Variants in YAP1 observed in about 807,000 individuals in gnomAD.
The protein encoded by YAP1 is Yes1 associated transcriptional regulator.
In YAP1, 5 loss-of-function variants were observed where a neutral mutation model predicts 56.9. The ratio of observed to expected loss-of-function variants is 0.09; its 90% confidence interval spans 0.05 to 0.18. The LOEUF is 0.18. Ranked by LOEUF, YAP1 falls within the 10% of genes least tolerant of loss-of-function variation. The pLI is 1.00. For missense variants in YAP1, 539 were observed against 651.8 expected, an observed-to-expected ratio of 0.83 and a Z score of 1.88; for synonymous variants, 265 against 248.1, an observed-to-expected ratio of 1.07 and a Z score of -0.64.
At chr11:102,139,532 C>T (rs942113806) in intron 2 of YAP1, among the ~76,000 whole-genome samples, 2 of 152,080 alleles carry the variant, frequency 1.3e-5, no homozygotes, top group Non-Finnish European at 2.9e-5. Context: ...ATTCTAAACC[C>T]GCTTTGTTAA....
chr11:102,222,890 C>CG (rs960443452), intron 6 of YAP1, among the ~76,000 whole-genome samples: 1 of 147,630 alleles, frequency 6.8e-6, no homozygotes, highest in African/African-American at 2.5e-5. Flanking sequence ...GGGAGGGGGT[C>CG]GGGGGGTTCC....
chr11:102,177,874 G>A (rs1022401261), intron 3 of YAP1, among the ~76,000 whole-genome samples: 4 of 152,016 alleles, frequency 2.6e-5, no homozygotes, highest in Non-Finnish European at 5.9e-5. Flanking sequence ...CAAGCCATGG[G>A]ATTTCATGAA....
intron 6 of YAP1, among the ~76,000 whole-genome samples, chr11:102,219,272 TA>T (rs1457932435): frequency 1.3e-5 from 2 of 152,226 alleles, no homozygotes; most frequent in Non-Finnish European, 2.9e-5. Flanking sequence ...CAAGGAATTT[TA>T]AGTTGTTTTA....
chr11:102,142,527 G>A (rs1241942828), intron 2 of YAP1, among the ~76,000 whole-genome samples: 2 of 152,356 alleles, frequency 1.3e-5, no homozygotes, highest in East Asian at 3.9e-4. Flanking sequence ...GCCGTCTTCA[G>A]CCTTCTGAGG....
chr11:102,204,925 C>A (rs1949045063), intron 4 of YAP1, among the ~76,000 whole-genome samples: 1 of 152,054 alleles, frequency 6.6e-6, no homozygotes, highest in Non-Finnish European at 1.5e-5. Context: ...TTTCTTTAGT[C>A]AATGTGTACT....
chr11:102,169,680 A>G (rs1463415045), intron 3 of YAP1, among the ~76,000 whole-genome samples: 2 of 152,170 alleles, frequency 1.3e-5, no homozygotes, highest in Non-Finnish European at 2.9e-5. Flanking sequence ...TTTCCCATCT[A>G]GAAGTTCAGG....
intron 7 of YAP1, among the ~76,000 whole-genome samples, chr11:102,224,755 A>C (rs1950112326): frequency 6.6e-6 from 1 of 152,202 alleles, no homozygotes; most frequent in Non-Finnish European, 1.5e-5. Flanking sequence ...GTTTGTATTT[A>C]CTCTTCTGAC....
intron 2 of YAP1, among the ~76,000 whole-genome samples, chr11:102,137,639 C>T (rs1944756602): frequency 6.6e-6 from 1 of 152,100 alleles, no homozygotes; most frequent in Non-Finnish European, 1.5e-5. Flanking sequence ...ACAGTAAAGC[C>T]AAGTTAAATC....
Position 102,120,424 on chromosome 11 carries a change from A to G in YAP1, c.572+6030A>G, listed in dbSNP as rs114466314. On this transcript the variant is annotated intron_variant, in intron 2 of 8. Transcript: ENST00000282441. ...GTTGTTTCTTTGAATGATGTTGCAA[A>G]TTAATAAAATAGTGCAAATGGCAGT... 3.3e-3 allele frequency among the ~76,000 whole-genome samples: 508 copies of G among 152,350 alleles called. 2 individuals carry two copies. Among genetic ancestry groups the G allele is most frequent in the African/African-American group, 0.012 (490 of 41,578 alleles).
At chr11:102,211,341 G>A (rs111600138) in intron 6 of YAP1, among the ~76,000 whole-genome samples, 117 of 152,160 alleles carry the variant, frequency 7.7e-4, no homozygotes, top group Non-Finnish European at 1.4e-3. Flanking sequence ...TTTAGAAAAG[G>A]TGAGGCTTAT....
At chr11:102,183,088 T>G (rs748909139) in intron 3 of YAP1, among the ~76,000 whole-genome samples, 25 of 152,214 alleles carry the variant, frequency 1.6e-4, no homozygotes, top group Non-Finnish European at 2.8e-4. Flanking sequence ...ATCAAGTAAT[T>G]ACAATTCTAC....
rs1458054544 is a variant in YAP1, at chr11:102,114,129, A to C, written c.322-15A>C. 8 of 1,560,706 alleles carry C rather than the reference A, an allele frequency of 5.1e-6. No individual in the cohort carries two copies. In the African/African-American group the frequency reaches 9.5e-5, roughly 19 times the overall value. On this transcript the variant is annotated splice_polypyrimidine_tract_variant and intron_variant, in intron 1 of 8. Coordinates refer to ENST00000282441, the MANE Select transcript of YAP1 (RefSeq NM_001130145.3). Reference sequence around the variant, plus strand: ...TTTTTCTTTTTTAATTTTTCATCTTAATATTCCCTAATAGGCCAGTACTGA... The same window carrying C: ...TTTTTCTTTTTTAATTTTTCATCTTCATATTCCCTAATAGGCCAGTACTGA...
At chr11:102,182,420 A>T (rs1411745007) in intron 3 of YAP1, among the ~76,000 whole-genome samples, 1 of 152,178 alleles carries the variant, frequency 6.6e-6, no homozygotes, top group East Asian at 1.9e-4. Flanking sequence ...TAGCCCAAAC[A>T]GATGATTGAA....
At chr11:102,212,562 TTTTTA>T (rs1949454819) in intron 6 of YAP1, among the ~76,000 whole-genome samples, 5 of 55,056 alleles carry the variant, frequency 9.1e-5, no homozygotes, top group African/African-American at 6.1e-4. Flanking sequence ...AGAGCTTAAC[TTTTTA>T]TTTTTATTTT....
In YAP1 at chr11:102,110,765, C is replaced by A. The variant is rs1054513691; in HGVS notation, c.-84C>A. ...CGGCCCGCAGCCGTCGCCGCTTCTC[C>A]ACCTCGGCCCGTGGAGCCGGGGCGT... On this transcript the variant is annotated 5_prime_UTR_variant, in exon 1 of 9. Transcript: ENST00000282441. 3 of 1,196,972 alleles carry A rather than the reference C, an allele frequency of 2.5e-6. No homozygotes were observed. The highest frequency in any genetic ancestry group is 3.1e-6 in the Non-Finnish European group (3 of 957,154). The allele number at this position is 1,196,972 out of a possible 1,614,324, so 74.1% of individuals were successfully genotyped here.
At chr11:102,212,107 A>G (rs1356305254) in intron 6 of YAP1, among the ~76,000 whole-genome samples, 1 of 152,242 alleles carries the variant, frequency 6.6e-6, no homozygotes, top group Non-Finnish European at 1.5e-5. Context: ...GGGTATAAAG[A>G]CATCACTCAG....
intron 2 of YAP1, among the ~76,000 whole-genome samples, chr11:102,157,194 T>A (rs1017985477): frequency 3.3e-5 from 5 of 152,236 alleles, no homozygotes. Context: ...TGTTTACGTC[T>A]TCTCATGCAT....
intron 6 of YAP1, 104 bp downstream of exon 6, chr11:102,209,668 G>A: frequency 9.6e-7 from 1 of 1,047,078 alleles, no homozygotes; most frequent in Non-Finnish European, 1.3e-6. Context: ...TTGGACATTA[G>A]CCCAGAGAAT....
intron 2 of YAP1, among the ~76,000 whole-genome samples, chr11:102,119,052 A>C (rs1176942721): frequency 1.3e-5 from 2 of 151,536 alleles, no homozygotes; most frequent in African/African-American, 4.8e-5. Flanking sequence ...GTATTTCCCT[A>C]TTTGAGGGAA....
Sources: gnomAD v4.1 joint callset for allele counts (sites outside exome capture counted in the v4.1 genomes callset) on GRCh38, gnomAD v4.1.1 for gene constraint, MANE v1.5 for transcripts, NCBI Gene and HGNC (gene_info 2026-07-23, HGNC 2026-07-21) for gene names.